The following TIMP3 variants were observed in gnomAD, a reference collection of about 807,000 sequenced individuals.
The protein encoded by TIMP3 is TIMP metallopeptidase inhibitor 3.
A neutral mutation model predicts 30.0 loss-of-function variants in TIMP3; 11 were observed. The observed-to-expected ratio is 0.37, with a 90% CI of 0.23 to 0.61. TIMP3 has a LOEUF of 0.61. Among genes scored for constraint, TIMP3 ranks in the 20% least tolerant of loss-of-function variants. The probability of loss-of-function intolerance (pLI) is 0.70; values close to 1 mark genes in which losing one functional copy is unlikely to be tolerated. For missense variants in TIMP3, 181 were observed against 276.8 expected (o/e 0.65, Z 2.45); for synonymous variants, 112 against 111.3 (o/e 1.01, Z -0.04).
At chr22:32,820,632 G>A (rs2047219907) in intron 1 of TIMP3, among the ~76,000 whole-genome samples, 3 of 152,170 alleles carry the variant, frequency 2.0e-5, no homozygotes, top group Admixed American at 2.0e-4. Context: ...GCTTAGGGTT[G>A]GGCAGGGGCC....
At chr22:32,838,212 T>G (rs130301) in intron 1 of TIMP3, among the ~76,000 whole-genome samples, 145,515 of 152,326 alleles carry the variant, frequency 0.96, 69,557 homozygotes, top group African/African-American at 0.99. Context: ...TGAATAAATA[T>G]CAGATGAGTG....
At chr22:32,840,475 T>G (rs1428941001) in intron 1 of TIMP3, among the ~76,000 whole-genome samples, 5 of 152,082 alleles carry the variant, frequency 3.3e-5, no homozygotes, top group Non-Finnish European at 1.5e-5. Flanking sequence ...AGAGTTCCTC[T>G]TCACTCAGGC....
At chr22:32,832,773 G>C (rs1299423455) in intron 1 of TIMP3, among the ~76,000 whole-genome samples, 1 of 151,958 alleles carries the variant, frequency 6.6e-6, no homozygotes, top group African/African-American at 2.4e-5. Context: ...CTGTCGTTCA[G>C]CTGGAGTGCA....
At chr22:32,810,892 G>A (rs930926120) in intron 1 of TIMP3, among the ~76,000 whole-genome samples, 1 of 152,102 alleles carries the variant, frequency 6.6e-6, no homozygotes, top group Non-Finnish European at 1.5e-5. Flanking sequence ...CTGCCTTTTC[G>A]ATTTGGAAAC....
At chr22:32,818,897 G>A (rs1019613218) in intron 1 of TIMP3, among the ~76,000 whole-genome samples, 3 of 152,180 alleles carry the variant, frequency 2.0e-5, no homozygotes, top group Non-Finnish European at 2.9e-5. Flanking sequence ...GGCAGGTAGT[G>A]GATTTCAAGC....
intron 1 of TIMP3, among the ~76,000 whole-genome samples, chr22:32,808,926 G>A (rs1316044532): frequency 6.6e-6 from 1 of 152,168 alleles, no homozygotes; most frequent in African/African-American, 2.4e-5. Flanking sequence ...ACTTTAGAGG[G>A]TAAGCACCCA....
intron 1 of TIMP3, among the ~76,000 whole-genome samples, chr22:32,802,575 C>T (rs1223328199): frequency 6.6e-6 from 1 of 152,042 alleles, no homozygotes; most frequent in Non-Finnish European, 1.5e-5. Context: ...TTGGAGTACT[C>T]CGAGTCTGCA....
chr22:32,851,875 G>C (rs1481113404), intron 2 of TIMP3, among the ~76,000 whole-genome samples: 1 of 152,152 alleles, frequency 6.6e-6, no homozygotes, highest in Non-Finnish European at 1.5e-5. Flanking sequence ...GAATCTGCTT[G>C]TCTCTAGGTA....
At position 32,815,043 on chromosome 22, in the gene TIMP3, A is replaced by G. The variant is rs540220239; in HGVS notation, c.121+12921A>G. Among the ~76,000 whole-genome samples the G allele has an allele frequency of 6.2e-4, 95 of 152,372 alleles. 1 individual carries two copies. The highest frequency in any genetic ancestry group is 2.2e-3 in the African/African-American group (93 of 41,594). On this transcript the variant is annotated intron_variant, in intron 1 of 4. Coordinates refer to ENST00000266085, the MANE Select transcript of TIMP3 (RefSeq NM_000362.5). ...CATCCATTATGTATTTTACACTCATAGCATATCTCAGTTTGGACTAGTTGC... is the reference window on the plus strand; with the variant it reads ...CATCCATTATGTATTTTACACTCATGGCATATCTCAGTTTGGACTAGTTGC...
chr22:32,860,750 T>G lies in TIMP3; in HGVS notation c.*1373T>G, dbSNP rs1487761603. The G allele has an allele frequency of 2.0e-5, 3 of 152,076 alleles. No individual in the cohort carries two copies. Among genetic ancestry groups the G allele is most frequent in the Non-Finnish European group, 4.4e-5 (3 of 68,006 alleles). 9.4% of individuals were successfully genotyped at this position (152,076 alleles called of 1,614,324 possible). On this transcript the variant is annotated 3_prime_UTR_variant, in exon 5 of 5. Coordinates refer to ENST00000266085, the MANE Select transcript of TIMP3 (RefSeq NM_000362.5). Reference sequence around the variant, plus strand: ...GAGCTGCAGAGTGTCCTGCCTGCCTTGGCTGGAGGGACACCTCTCCTGGGT... The same window carrying G: ...GAGCTGCAGAGTGTCCTGCCTGCCTGGGCTGGAGGGACACCTCTCCTGGGT...
At chr22:32,819,403 G>A (rs2047174987) in intron 1 of TIMP3, among the ~76,000 whole-genome samples, 1 of 152,252 alleles carries the variant, frequency 6.6e-6, no homozygotes, top group Non-Finnish European at 1.5e-5. Flanking sequence ...CAAACATGTA[G>A]AAGGGTGTAT....
At chr22:32,825,322 A>G (rs992568526) in intron 1 of TIMP3, among the ~76,000 whole-genome samples, 1 of 152,114 alleles carries the variant, frequency 6.6e-6, no homozygotes, top group Non-Finnish European at 1.5e-5. Context: ...AAGAGGAGAG[A>G]ACTTCTAGAT....
chr22:32,817,074 A>AG (rs1397898591), intron 1 of TIMP3, among the ~76,000 whole-genome samples: 1 of 151,060 alleles, frequency 6.6e-6, no homozygotes, highest in African/African-American at 2.4e-5. Flanking sequence ...AAAAAAAAAA[A>AG]AAGAAAAGGT....
rs2047770553 is a variant in TIMP3 at position 32,837,541 on chromosome 22, CAG to C, written c.122-11907_122-11906del. On this transcript the variant is annotated intron_variant, in intron 1 of 4. Coordinates refer to ENST00000266085, the MANE Select transcript of TIMP3 (RefSeq NM_000362.5). This position sits in a 1 kb window ranked among gnomAD's most constrained non-coding sequence, Gnocchi z 4.1. ...AGGGGAGACAGGGTACGGCGGGAGA[CAG>C]AGATGCATGAAATACTAACGTTGAA... 6.6e-6 allele frequency among the ~76,000 whole-genome samples: 1 copy of C among 151,996 alleles called. No individual in the cohort carries two copies. Among genetic ancestry groups the C allele is most frequent in the Non-Finnish European group, 1.5e-5 (1 of 68,008 alleles).
chr22:32,834,328 T>A lies in TIMP3; in HGVS notation c.122-15124T>A, dbSNP rs574852054. 3.7e-4 allele frequency among the ~76,000 whole-genome samples: 56 copies of A among 151,606 alleles called. 1 individual carries two copies. Among genetic ancestry groups the A allele is most frequent in the South Asian group, 2.5e-3 (12 of 4,784 alleles). The stretch of plus-strand genomic sequence containing the variant: ...CCACCACATCTGGCTAATTTATTTT[T>A]TTTTTTGTATTTTTAGTAGAAACGG... On this transcript the variant is annotated intron_variant, in intron 1 of 4. Transcript: ENST00000266085.
chr22:32,806,767 T>C (rs956414609), intron 1 of TIMP3, among the ~76,000 whole-genome samples: 6 of 150,684 alleles, frequency 4.0e-5, no homozygotes, highest in African/African-American at 1.5e-4. Flanking sequence ...GATATATCCA[T>C]TTCTATTTAT....
chr22:32,817,887 C>A (rs972313572), intron 1 of TIMP3, among the ~76,000 whole-genome samples: 1 of 152,164 alleles, frequency 6.6e-6, no homozygotes, highest in Non-Finnish European at 1.5e-5. Context: ...GTCCCCTGGT[C>A]GTCTGGGCCA....
chr22:32,860,588 T>C lies in TIMP3; in HGVS notation c.*1211T>C, dbSNP rs1601565040. 6.5e-6 allele frequency: 1 copy of C among 152,746 alleles called. No individual in the cohort carries two copies. The highest frequency in any genetic ancestry group is 1.9e-4 in the East Asian group (1 of 5,180). 9.5% of individuals were successfully genotyped at this position (152,746 alleles called of 1,614,324 possible). A position where few individuals can be genotyped will look rare whatever the true frequency, so the allele number is the denominator to read the frequency against. On this transcript the variant is annotated 3_prime_UTR_variant, in exon 5 of 5. Transcript: ENST00000266085. ...TTCTGAACACCGTCAGCACCCTCTC[T>C]TCCCTATCATGGGTCATCTGACCCC...
chr22:32,859,294 A>G lies in TIMP3; in HGVS notation c.553A>G (p.Ile185Val). The stretch of plus-strand genomic sequence containing the variant: ...CTACCAGTCCAAACACTACGCCTGC[A>G]TCCGGCAGAAGGGCGGCTACTGCAG... ...PGYQSKHYACIRQKGGYCSWY... is the reference protein window; with the variant it reads ...PGYQSKHYACVRQKGGYCSWY... The change falls in exon 5 of 5, where the codon ATC becomes GTC. Residue 185 changes from isoleucine to valine, a missense_variant. This residue lies in a region of TIMP3 where 47 missense variants were observed against 63.8 expected (regional missense o/e 0.74). Transcript: ENST00000266085. 1 of 1,614,180 alleles carries G rather than the reference A, an allele frequency of 6.2e-7. No homozygotes were observed. Among genetic ancestry groups the G allele is most frequent in the Non-Finnish European group, 8.5e-7 (1 of 1,180,042 alleles).
Sources: gnomAD v4.1 joint callset for allele counts (sites outside exome capture counted in the v4.1 genomes callset) on GRCh38, gnomAD v4.1.1 for gene constraint, gnomAD v4.1.1 regional missense constraint, Gnocchi (gnomAD v3.1) non-coding constraint, MANE v1.5 for transcripts, NCBI Gene and HGNC (gene_info 2026-07-23, HGNC 2026-07-21) for gene names.